GRM5: variants seen among roughly 807,000 people sequenced by gnomAD.
The protein encoded by GRM5 is metabotropic glutamate receptor 5.
A neutral mutation model predicts 83.1 loss-of-function variants in GRM5; 19 were observed. That is an observed-to-expected ratio of 0.23 (90% CI 0.16 to 0.34). The LOEUF (loss-of-function observed/expected upper bound fraction) is 0.34. GRM5 is among the 10% of genes least tolerant of loss of function. The probability of loss-of-function intolerance (pLI) is 1.00; values close to 1 mark genes in which losing one functional copy is unlikely to be tolerated. For synonymous variants in GRM5, 675 were observed against 633.6 expected (o/e 1.07, Z -0.98); for missense variants, 1,160 against 1,588.3 (o/e 0.73, Z 4.58).
chr11:88,611,979 T>A (rs911853662), intron 4 of GRM5, among the ~76,000 whole-genome samples: 3 of 151,912 alleles, frequency 2.0e-5, no homozygotes, highest in East Asian at 1.9e-4. Context: ...TATTTTTTTT[T>A]ATTATACTTT....
intron 3 of GRM5, among the ~76,000 whole-genome samples, chr11:88,813,594 A>G (rs1401303525): frequency 3.3e-5 from 5 of 152,210 alleles, no homozygotes; most frequent in African/African-American, 9.7e-5. Flanking sequence ...TTCTAAACAT[A>G]TCTCAAAAAG....
chr11:88,715,351 T>C lies in GRM5; in HGVS notation c.912-61948A>G, dbSNP rs183956983. Among the ~76,000 whole-genome samples, 279 of 152,096 alleles carry C rather than the reference T, an allele frequency of 1.8e-3. 1 individual carries two copies. The highest frequency in any genetic ancestry group is 1.7e-3 in the Non-Finnish European group (114 of 67,944). ...CATGTGGGAAGTGAGAAAACTCAGA[T>C]TGGGATGCAGGTCTATCTGACTGCA... On this transcript the variant is annotated intron_variant, in intron 3 of 9. Coordinates refer to ENST00000305447, the MANE Select transcript of GRM5 (RefSeq NM_001143831.3).
At chr11:88,794,712 AGAAGAT>A (rs1164969183) in intron 3 of GRM5, among the ~76,000 whole-genome samples, 1 of 152,224 alleles carries the variant, frequency 6.6e-6, no homozygotes, top group African/African-American at 2.4e-5. Flanking sequence ...TGAGCAATAA[AGAAGAT>A]GATGATGAAC....
intron 3 of GRM5, among the ~76,000 whole-genome samples, chr11:88,665,667 T>C (rs139965034): frequency 1.5e-3 from 236 of 152,308 alleles, no homozygotes; most frequent in Admixed American, 3.9e-3. Flanking sequence ...GCTCAATAAC[T>C]AATCCAAGTA....
intron 3 of GRM5, among the ~76,000 whole-genome samples, chr11:88,836,610 G>C (rs1451488362): frequency 6.6e-6 from 1 of 152,006 alleles, no homozygotes; most frequent in African/African-American, 2.4e-5. Context: ...TGGCCAAGAT[G>C]GCAAAAGCTT....
chr11:88,782,611 C>A (rs1419292319), intron 3 of GRM5, among the ~76,000 whole-genome samples: 1 of 152,072 alleles, frequency 6.6e-6, no homozygotes. Flanking sequence ...ACATAAACTT[C>A]CATATCACCT....
chr11:88,665,125 C>T (rs1455525207), intron 3 of GRM5, among the ~76,000 whole-genome samples: 1 of 142,822 alleles, frequency 7.0e-6, no homozygotes, highest in South Asian at 2.4e-4. Context: ...AAGGTATATA[C>T]ATAAAAATGT....
chr11:88,812,703 T>C (rs1038628722), intron 3 of GRM5, among the ~76,000 whole-genome samples: 1 of 152,180 alleles, frequency 6.6e-6, no homozygotes, highest in Non-Finnish European at 1.5e-5. Context: ...AAGACACCTA[T>C]GAAAACCTTT....
chr11:88,903,712 G>C (rs1037112632), intron 2 of GRM5, among the ~76,000 whole-genome samples: 11 of 152,312 alleles, frequency 7.2e-5, no homozygotes, highest in African/African-American at 2.6e-4. Flanking sequence ...CATGAATGTA[G>C]AATGTGTAAT....
At chr11:88,632,446 T>C (rs530316944) in intron 4 of GRM5, among the ~76,000 whole-genome samples, 11 of 152,064 alleles carry the variant, frequency 7.2e-5, no homozygotes, top group African/African-American at 2.4e-4. Flanking sequence ...GTTACCCAGG[T>C]TGATCTCGAG....
intron 8 of GRM5, among the ~76,000 whole-genome samples, chr11:88,557,547 C>T (rs900340295): frequency 6.6e-6 from 1 of 152,096 alleles, no homozygotes; most frequent in Non-Finnish European, 1.5e-5. Context: ...TGGCTGATGG[C>T]TCCTTGAGGC....
At chr11:88,966,676 G>A (rs750035776) in intron 2 of GRM5, among the ~76,000 whole-genome samples, 39 of 152,106 alleles carry the variant, frequency 2.6e-4, no homozygotes, top group Non-Finnish European at 1.8e-4. Context: ...ACCATAGATA[G>A]ACCTAATAAA....
chr11:88,765,542 T>C (rs1008615095), intron 3 of GRM5, among the ~76,000 whole-genome samples: 3 of 151,646 alleles, frequency 2.0e-5, no homozygotes, highest in African/African-American at 4.8e-5. Flanking sequence ...CCTTCACATA[T>C]ACAGTCAAAT....
At chr11:88,832,646 T>C (rs1300777419) in intron 3 of GRM5, among the ~76,000 whole-genome samples, 1 of 151,616 alleles carries the variant, frequency 6.6e-6, no homozygotes, top group Non-Finnish European at 1.5e-5. Context: ...AAAAAAGAGC[T>C]TGAAAAACCA....
intron 3 of GRM5, among the ~76,000 whole-genome samples, chr11:88,736,919 C>T (rs1433595399): frequency 6.6e-6 from 1 of 152,048 alleles, no homozygotes. Context: ...CGTGCTGTGC[C>T]TCAGCAGGCT....
chr11:88,753,217 C>A (rs895090424), intron 3 of GRM5, among the ~76,000 whole-genome samples: 2 of 152,122 alleles, frequency 1.3e-5, no homozygotes, highest in Non-Finnish European at 2.9e-5. Flanking sequence ...TGACAAAAAT[C>A]TTATATCCAG....
At chr11:88,827,581 C>A (rs1275355464) in intron 3 of GRM5, among the ~76,000 whole-genome samples, 1 of 152,208 alleles carries the variant, frequency 6.6e-6, no homozygotes, top group Non-Finnish European at 1.5e-5. Flanking sequence ...GAACATAAAA[C>A]TACTCACTTG....
At chr11:88,795,554 T>C (rs1456452472) in intron 3 of GRM5, among the ~76,000 whole-genome samples, 1 of 152,222 alleles carries the variant, frequency 6.6e-6, no homozygotes, top group African/African-American at 2.4e-5. Context: ...AACTAATTAC[T>C]GTTAATAATA....
intron 2 of GRM5, among the ~76,000 whole-genome samples, chr11:88,869,883 T>C (rs1479225510): frequency 6.6e-6 from 1 of 151,574 alleles, no homozygotes; most frequent in Non-Finnish European, 1.5e-5. Flanking sequence ...TTATATTTTT[T>C]TAGTGGCCCC....
Sources: allele counts gnomAD v4.1 joint callset (sites outside exome capture counted in the v4.1 genomes callset), GRCh38; gene constraint gnomAD v4.1.1; transcripts MANE v1.5; gene names NCBI Gene and HGNC (gene_info 2026-07-23, HGNC 2026-07-21).